The following ARFGEF3 variants were observed in gnomAD, a reference collection of about 807,000 sequenced individuals.
ARFGEF3 encodes ARFGEF family member 3.
Under a neutral mutation model 221.7 loss-of-function variants are expected in ARFGEF3, and 96 were observed. That is an observed-to-expected ratio of 0.43 (90% CI 0.37 to 0.51). The LOEUF (loss-of-function observed/expected upper bound fraction) is 0.51, where lower values mean the gene tolerates loss of function less well. ARFGEF3 is among the 20% of genes least tolerant of loss of function. The probability of loss-of-function intolerance (pLI) is 0.00; values close to 1 mark genes in which losing one functional copy is unlikely to be tolerated. For missense variants in ARFGEF3, 2,410 were observed against 2,789.9 expected (o/e 0.86, Z 3.07); for synonymous variants, 1,145 against 1,126.8 (o/e 1.02, Z -0.32).
chr6:138,297,835 T>G (rs552409328), intron 21 of ARFGEF3, among the ~76,000 whole-genome samples: 1 of 152,292 alleles, frequency 6.6e-6, no homozygotes, highest in African/African-American at 2.4e-5. Flanking sequence ...GTGGCAGATC[T>G]CACTGGCTTT....
intron 5 of ARFGEF3, among the ~76,000 whole-genome samples, chr6:138,237,034 A>G (rs1360480592): frequency 2.6e-5 from 4 of 151,982 alleles, no homozygotes; most frequent in East Asian, 3.9e-4. Flanking sequence ...TCAGTTTCAA[A>G]TGCTCCTTTG....
chr6:138,259,786 C>CTGT (rs1778752408), intron 10 of ARFGEF3, among the ~76,000 whole-genome samples: 3 of 152,202 alleles, frequency 2.0e-5, no homozygotes, highest in Admixed American at 2.0e-4. Context: ...TGGTGGCGCA[C>CTGT]ACCTGTGGTC....
intron 4 of ARFGEF3, among the ~76,000 whole-genome samples, chr6:138,227,215 A>G (rs1348601156): frequency 6.6e-6 from 1 of 152,030 alleles, no homozygotes; most frequent in Admixed American, 6.6e-5. Context: ...CTCCCTCTAC[A>G]TATGCTGGGC....
chr6:138,311,577 C>T lies in ARFGEF3; in HGVS notation c.4200+67C>T, dbSNP rs567621469. The T allele has an allele frequency of 1.1e-4, 117 of 1,071,412 alleles. 1 individual carries two copies. The highest frequency in any genetic ancestry group is 1.0e-3 in the South Asian group (75 of 73,374). The allele number at this position is 1,071,412 out of a possible 1,614,324, so 66.4% of individuals were successfully genotyped here. ...CCTCGGAACATGCTGCCAAAACATGCGTGGGGGGTCTTTTGCTGAAGCCCG... is the reference window on the plus strand; with the variant it reads ...CCTCGGAACATGCTGCCAAAACATGTGTGGGGGGTCTTTTGCTGAAGCCCG... On this transcript the variant is annotated intron_variant, in intron 25 of 33. Transcript: ENST00000251691.
At chr6:138,230,727 A>G (rs1047538754) in intron 5 of ARFGEF3, among the ~76,000 whole-genome samples, 1 of 152,236 alleles carries the variant, frequency 6.6e-6, no homozygotes. Context: ...CAAAAGAGAA[A>G]GCAGCAGCCA....
chr6:138,304,982 C>T (rs560086047), intron 22 of ARFGEF3, among the ~76,000 whole-genome samples: 1 of 151,966 alleles, frequency 6.6e-6, no homozygotes, highest in Admixed American at 6.6e-5. Context: ...TTCTTTCAAA[C>T]AGGTGACATG....
At position 138,243,623 on chromosome 6, in the gene ARFGEF3, CT is replaced by C. The variant is rs1226310288; in HGVS notation, c.586+632del. Among the ~76,000 whole-genome samples the C allele has an allele frequency of 2.0e-5, 3 of 151,964 alleles. No homozygotes were observed. The East Asian group carries it at 5.8e-4, about 29-fold the overall frequency. On this transcript the variant is annotated intron_variant, in intron 7 of 33. Transcript: ENST00000251691. ...TCTGATTAAAAAATTGAAATTTAGACTTTGTTCAGTAATTTTTTAAATACTG... is the reference window on the plus strand; with the variant it reads ...TCTGATTAAAAAATTGAAATTTAGACTTGTTCAGTAATTTTTTAAATACTG...
chr6:138,321,892 G>GACTT (rs1445382874), intron 29 of ARFGEF3, among the ~76,000 whole-genome samples: 17 of 150,066 alleles, frequency 1.1e-4, no homozygotes, highest in South Asian at 6.2e-4. Flanking sequence ...AGCTTTAATG[G>GACTT]ACTTACAGTT....
intron 22 of ARFGEF3, among the ~76,000 whole-genome samples, chr6:138,305,375 A>C (rs2114657159): frequency 6.6e-6 from 1 of 152,124 alleles, no homozygotes; most frequent in South Asian, 2.1e-4. Context: ...CCACAGCAGA[A>C]GGTTTGCTTG....
intron 18 of ARFGEF3, 98 bp downstream of exon 18, chr6:138,290,066 C>A: frequency 8.7e-7 from 1 of 1,149,112 alleles, no homozygotes; most frequent in Non-Finnish European, 1.2e-6. Flanking sequence ...TAAGAGCCTG[C>A]CAGCATGTAA....
At chr6:138,250,780 A>G (rs984087633) in intron 8 of ARFGEF3, among the ~76,000 whole-genome samples, 19 of 152,238 alleles carry the variant, frequency 1.2e-4, no homozygotes, top group Non-Finnish European at 2.6e-4. Context: ...ACCAGCAGAT[A>G]CTAAGCCTGC....
chr6:138,266,210 C>A (rs1305266974), intron 12 of ARFGEF3, among the ~76,000 whole-genome samples: 5 of 149,114 alleles, frequency 3.4e-5, no homozygotes, highest in African/African-American at 1.2e-4. Flanking sequence ...AAGACCCTGT[C>A]AAAGAAAGAG....
chr6:138,203,737 G>C (rs188765348), intron 2 of ARFGEF3, among the ~76,000 whole-genome samples: 5 of 152,294 alleles, frequency 3.3e-5, no homozygotes, highest in Admixed American at 3.3e-4. Context: ...TGCCTCCCAG[G>C]TTCAATGATT....
In ARFGEF3 at chr6:138,236,073, A is replaced by T. The variant is rs550012238; in HGVS notation, c.421-2436A>T. On this transcript the variant is annotated intron_variant, in intron 5 of 33. Transcript: ENST00000251691. The stretch of plus-strand genomic sequence containing the variant: ...TCTTGTCTGTTTACAGCACTGCGTT[A>T]TATAAAATCCAGTTCCTCATGCATG... Among the ~76,000 whole-genome samples the T allele has an allele frequency of 9.2e-5, 14 of 152,366 alleles. 1 individual carries two copies. Among genetic ancestry groups the T allele is most frequent in the Middle Eastern group, 6.8e-3 (2 of 294 alleles).
At chr6:138,283,170 G>A (rs1386012532) in intron 14 of ARFGEF3, among the ~76,000 whole-genome samples, 1 of 152,220 alleles carries the variant, frequency 6.6e-6, no homozygotes, top group Non-Finnish European at 1.5e-5. Context: ...AGTAGGGATG[G>A]CAGGTACTGC....
intron 1 of ARFGEF3, among the ~76,000 whole-genome samples, chr6:138,169,854 A>T (rs1033864954): frequency 1.3e-5 from 2 of 152,160 alleles, no homozygotes; most frequent in African/African-American, 4.8e-5. Context: ...TATATTTCAC[A>T]TTTGTTATTC....
chr6:138,335,940 G>C (rs1017479192), intron 33 of ARFGEF3, among the ~76,000 whole-genome samples: 1 of 152,108 alleles, frequency 6.6e-6, no homozygotes, highest in African/African-American at 2.4e-5. Flanking sequence ...TAATTCTATG[G>C]TGCATCAAAA....
rs80001578 is a variant in ARFGEF3, at chr6:138,164,572, G to A, written c.85+2401G>A. Among the ~76,000 whole-genome samples, 613 of 152,308 alleles carry A rather than the reference G, an allele frequency of 4.0e-3. 2 individuals carry two copies. Among genetic ancestry groups the A allele is most frequent in the African/African-American group, 0.014 (576 of 41,560 alleles). ...TAATAGTTGATTGTGTGCACAGGTA[G>A]GCTCTTACGGGCAGTGTAATTGACA... On this transcript the variant is annotated intron_variant, in intron 1 of 33. Transcript: ENST00000251691.
intron 3 of ARFGEF3, among the ~76,000 whole-genome samples, chr6:138,209,324 C>T (rs1439464647): frequency 6.6e-6 from 1 of 152,192 alleles, no homozygotes; most frequent in Non-Finnish European, 1.5e-5. Flanking sequence ...CACGATCATT[C>T]TCCATTCCCA....
Sources: gnomAD v4.1 joint callset for allele counts (sites outside exome capture counted in the v4.1 genomes callset) on GRCh38, gnomAD v4.1.1 for gene constraint, MANE v1.5 for transcripts, NCBI Gene and HGNC (gene_info 2026-07-23, HGNC 2026-07-21) for gene names.